ZNF229: variants seen among roughly 807,000 people sequenced by gnomAD.
ZNF229 encodes the protein zinc finger protein 229.
In ZNF229, 10 loss-of-function variants were observed where a neutral mutation model predicts 11.8. The ratio of observed to expected loss-of-function variants is 0.85; its 90% CI spans 0.52 to 1.44. The LOEUF is 1.44. ZNF229 is among the 40% of genes most tolerant of loss of function. ZNF229 has a pLI of 0.00. For missense variants in ZNF229, 1,045 were observed against 1,015.1 expected, an observed-to-expected ratio of 1.03 and a Z score of -0.40; for synonymous variants, 368 against 374.8, an observed-to-expected ratio of 0.98 and a Z score of 0.21.
intron 4 of ZNF229, among the ~76,000 whole-genome samples, chr19:44,441,109 T>C (rs966816268): frequency 2.0e-5 from 3 of 152,126 alleles, no homozygotes; most frequent in Admixed American, 2.0e-4. Flanking sequence ...AAAGTCTTTG[T>C]AGATGAAATT....
In ZNF229 at chr19:44,442,539, G is replaced by A. The variant is rs140656663; in HGVS notation, c.93+24C>T. 236 of 1,612,102 alleles carry A rather than the reference G, an allele frequency of 1.5e-4. No homozygotes were observed. The East Asian group carries it at 4.7e-3, about 32-fold the overall frequency. ...TCTCTGATGCCTAAGGTGGTATTTC[G>A]GGAGAGAAAAGAAAACAACCCACCT... On this transcript the variant is annotated intron_variant, in intron 4 of 5. Transcript: ENST00000614049.
chr19:44,436,093 G>A (rs1971808179), intron 4 of ZNF229, among the ~76,000 whole-genome samples: 1 of 152,188 alleles, frequency 6.6e-6, no homozygotes. Context: ...AGACCACATT[G>A]GAGGCCACTG....
At chr19:44,431,310 C>T (rs2722695) in intron 5 of ZNF229, among the ~76,000 whole-genome samples, 48,978 of 152,082 alleles carry the variant, frequency 0.32, 9,359 homozygotes, top group East Asian at 0.57. Flanking sequence ...ATATTTACCA[C>T]AGTTCTGGAT....
chr19:44,432,931 T>C (rs1404086592), intron 4 of ZNF229, among the ~76,000 whole-genome samples: 1 of 152,146 alleles, frequency 6.6e-6, no homozygotes, highest in Non-Finnish European at 1.5e-5. Flanking sequence ...CAGGAAGTTG[T>C]TCAGCCCGGT....
At position 44,431,107 on chromosome 19, in the gene ZNF229, G is replaced by A. The variant is rs536502582; in HGVS notation, c.239-565C>T. ...TGTCTCAGGGGTGACTGTACTTCTG[G>A]GTATTTGTGAGCCATACTTCAGGAG... is the stretch of plus-strand genomic sequence containing the variant. On this transcript the variant is annotated intron_variant, in intron 5 of 5. Transcript: ENST00000614049. 2.0e-5 allele frequency among the ~76,000 whole-genome samples: 3 copies of A among 152,134 alleles called. No homozygotes were observed. The East Asian group carries it at 5.8e-4, about 29-fold the overall frequency.
chr19:44,445,060 T>C (rs1971980525), intron 2 of ZNF229, among the ~76,000 whole-genome samples: 1 of 152,210 alleles, frequency 6.6e-6, no homozygotes, highest in South Asian at 2.1e-4. Context: ...AAAAGAAAAG[T>C]CCAGATTTGC....
Position 44,432,324 on chromosome 19 carries a change from C to A in ZNF229, c.136G>T (p.Glu46Ter), listed in dbSNP as rs762751456. ...GTAGAGTCCAGCAGCTCTAGCTCCT[C>A]CTCAGTGAAGACCACAGCCACGTCC... Reference protein sequence around the residue: ...FKDVAVVFTEEELELLDSTQR... With the variant: ...FKDVAVVFTE Residue 46 changes from glutamate to a stop codon, truncating the protein, a stop_gained, in exon 5 of 6, where the codon GAG (glutamate) becomes TAG (stop). Coordinates refer to ENST00000614049, the MANE Select transcript of ZNF229 (RefSeq NM_014518.4). LOFTEE classifies it high-confidence loss of function. The A allele has an allele frequency of 1.2e-6, 2 of 1,613,562 alleles. No individual in the cohort carries two copies. Among genetic ancestry groups the A allele is most frequent in the East Asian group, 4.5e-5 (2 of 44,894 alleles).
At chr19:44,445,587 A>G (rs1213606602) in intron 2 of ZNF229, among the ~76,000 whole-genome samples, 1 of 152,112 alleles carries the variant, frequency 6.6e-6, no homozygotes, top group Non-Finnish European at 1.5e-5. Flanking sequence ...GTCCCTATTC[A>G]AGCACCATTT....
rs771258504 is a variant in ZNF229 at position 44,428,255 on chromosome 19, C to A, written c.*48G>T. 1.3e-6 allele frequency: 2 copies of A among 1,542,334 alleles called. No homozygotes were observed. The highest frequency in any genetic ancestry group is 2.5e-5 in the South Asian group (2 of 78,510). On this transcript the variant is annotated 3_prime_UTR_variant, in exon 6 of 6. Transcript: ENST00000614049. ...ATGGTTTTTCTCCTGTGTTGGCTCTCAGATGGATAGAAAGCTCTGAGTCCC... is the reference window on the plus strand; with the variant it reads ...ATGGTTTTTCTCCTGTGTTGGCTCTAAGATGGATAGAAAGCTCTGAGTCCC...
chr19:44,433,267 G>T (rs112385981), intron 4 of ZNF229, among the ~76,000 whole-genome samples: 4 of 152,062 alleles, frequency 2.6e-5, no homozygotes, highest in Admixed American at 6.5e-5. Context: ...ATGTTGCTCC[G>T]GCTGGTCTCA....
Position 44,442,945 on chromosome 19 carries a change from C to T in ZNF229, c.-98G>A, listed in dbSNP as rs566563902. The T allele has an allele frequency of 1.2e-4, 168 of 1,414,466 alleles. No individual in the cohort carries two copies. The highest frequency in any genetic ancestry group is 2.4e-4 in the African/African-American group (17 of 71,484). The allele number at this position is 1,414,466 out of a possible 1,614,324, so 87.6% of individuals were successfully genotyped here. A position where few individuals can be genotyped will look rare whatever the true frequency, so the allele number is the denominator to read the frequency against. ...CAGAAGATCCAGGCCTTTTTCATTCCGGAAACTCTCCAAGCTCTGACAAGT... is the reference window on the plus strand; with the variant it reads ...CAGAAGATCCAGGCCTTTTTCATTCTGGAAACTCTCCAAGCTCTGACAAGT... On this transcript the variant is annotated 5_prime_UTR_variant, in exon 3 of 6. Transcript: ENST00000614049.
Position 44,430,220 on chromosome 19 carries a change from A to G in ZNF229, c.561T>C (p.Ser187=). 3 of 1,614,132 alleles carry G rather than the reference A, an allele frequency of 1.9e-6. No individual in the cohort carries two copies. In the South Asian group the frequency reaches 3.3e-5, roughly 18 times the overall value. The change falls in exon 6 of 6, where the codon TCT becomes TCC. Residue 187 remains serine, a synonymous_variant. Transcript: ENST00000614049. ...ACTGGTTCACAAACGCTTTTGCCCA[A>G]GATCCTTGAATGGGGATTGGTCTTA... ...RAIRPIPIQG[S]WAKAFVNQLG...
rs201920236 is a variant in ZNF229, at chr19:44,429,952, C to G, written c.829G>C (p.Asp277His). The G allele has an allele frequency of 4.7e-5, 76 of 1,613,772 alleles. No individual in the cohort carries two copies. The highest frequency in any genetic ancestry group is 6.0e-5 in the Non-Finnish European group (71 of 1,179,846). ...CTTGGATGCGGGGGAAGGTCTGCAT[C>G]GTCCCTGAAGCCATTTCTGTATTCG... ...SNEYRNGFRD[D>H]ADLPPHPRVP... is the part of the protein sequence containing the mutation. The change falls in exon 6 of 6, where the codon GAT (aspartate) becomes CAT (histidine). Residue 277 changes from aspartate to histidine, a missense_variant. Physicochemically the swap from Asp to His is moderately conservative, Grantham distance 81. Coordinates refer to ENST00000614049, the MANE Select transcript of ZNF229 (RefSeq NM_014518.4).
Position 44,427,625 on chromosome 19 carries a change from C to T in ZNF229, c.*678G>A, listed in dbSNP as rs1222976243. 2.0e-5 allele frequency: 3 copies of T among 152,022 alleles called. No homozygotes were observed. Among genetic ancestry groups the T allele is most frequent in the Non-Finnish European group, 2.9e-5 (2 of 68,018 alleles). The allele number at this position is 152,022 out of a possible 1,614,324, so 9.4% of individuals were successfully genotyped here. On this transcript the variant is annotated 3_prime_UTR_variant, in exon 6 of 6. Coordinates refer to ENST00000614049, the MANE Select transcript of ZNF229 (RefSeq NM_014518.4). ...AATTTATTTAATTAATAATTCAATG[C>T]AATGCCAATCAGATTTTGCTTTTTG...
Position 44,429,669 on chromosome 19 carries a change from T to C in ZNF229, c.1112A>G (p.His371Arg), listed in dbSNP as rs1211575370. 6.2e-7 allele frequency: 1 copy of C among 1,614,188 alleles called. No individual in the cohort carries two copies. The highest frequency in any genetic ancestry group is 8.5e-7 in the Non-Finnish European group (1 of 1,180,036). ...KSVLLIHQGV[H>R]TGRRPYKCEE... ...ACATTTATAGGGTCTCCTTCCTGTG[T>C]GCACCCCTTGATGAATAAGAAGAAC... Residue 371 changes from histidine (H) to arginine (R), a missense_variant, in exon 6 of 6, where the codon CAC becomes CGC. His to Arg is a conservative substitution (Grantham distance 29). Transcript: ENST00000614049.
At chr19:44,435,766 G>A (rs533133820) in intron 4 of ZNF229, among the ~76,000 whole-genome samples, 7 of 152,330 alleles carry the variant, frequency 4.6e-5, no homozygotes, top group African/African-American at 1.2e-4. Context: ...TGAGGCATAA[G>A]TAGAAATTAA....
intron 3 of ZNF229, 39 bp downstream of exon 3, chr19:44,442,775 T>C (rs1396827000): frequency 1.9e-6 from 3 of 1,608,170 alleles, no homozygotes; most frequent in African/African-American, 2.7e-5. Context: ...ACACTCAGTT[T>C]GGATTCTCCC....
At chr19:44,432,481 C>T (rs1196380016) in intron 4 of ZNF229, 115 bp from the exon 5 acceptor site, 73 of 1,427,948 alleles carry the variant, frequency 5.1e-5, no homozygotes, top group Non-Finnish European at 6.2e-5. Context: ...AAATGTGGCA[C>T]ATATACACCA....
intron 2 of ZNF229, among the ~76,000 whole-genome samples, chr19:44,444,340 A>C (rs115773260): frequency 2.0e-5 from 3 of 151,462 alleles, no homozygotes; most frequent in African/African-American, 4.9e-5. Flanking sequence ...TTACTGCTTC[A>C]GGAACTCAAA....
Sources: gnomAD v4.1 joint callset for allele counts (sites outside exome capture counted in the v4.1 genomes callset) on GRCh38, gnomAD v4.1.1 for gene constraint, MANE v1.5 for transcripts, NCBI Gene and HGNC (gene_info 2026-07-23, HGNC 2026-07-21) for gene names.